Variants in ZNF611 observed in about 807,000 individuals in gnomAD.
ZNF611 encodes zinc finger protein 611.
A neutral mutation model predicts 8.9 loss-of-function variants in ZNF611; 6 were observed. The observed-to-expected ratio is 0.68, with a 90% CI of 0.37 to 1.34. ZNF611 has a LOEUF of 1.34. ZNF611 is among the 40% of genes most tolerant of loss of function. The pLI is 0.02. For missense variants in ZNF611, 874 were observed against 841.3 expected (o/e 1.04, Z -0.48); for synonymous variants, 262 against 279.7 (o/e 0.94, Z 0.63).
At position 52,715,815 on chromosome 19, in the gene ZNF611, G is replaced by A. The variant is rs759677902; in HGVS notation, c.63+17C>T. On this transcript the variant is annotated intron_variant, in intron 4 of 5. Coordinates refer to ENST00000652185, the MANE Select transcript of ZNF611 (RefSeq NM_001161499.2). ...AACGAAAGACACAGATTAATCCACA[G>A]AGGAATATCACTTCACCTGAGGAAG... 12 of 1,609,840 alleles carry A rather than the reference G, an allele frequency of 7.5e-6. No homozygotes were observed. The highest frequency in any genetic ancestry group is 3.3e-5 in the Admixed American group (2 of 59,876).
At chr19:52,725,298 G>C (rs1347520800) in intron 3 of ZNF611, among the ~76,000 whole-genome samples, 1 of 152,182 alleles carries the variant, frequency 6.6e-6, no homozygotes, top group East Asian at 1.9e-4. Flanking sequence ...TTAAGACATG[G>C]GTGGCACCTG....
Position 52,704,237 on chromosome 19 carries a change from T to C in ZNF611, c.*700A>G. The C allele has an allele frequency of 2.3e-6, 1 of 439,064 alleles. No individual in the cohort carries two copies. The highest frequency in any genetic ancestry group is 1.8e-5 in the South Asian group (1 of 54,420). 27.2% of individuals were successfully genotyped at this position (439,064 alleles called of 1,614,324 possible). A position where few individuals can be genotyped will look rare whatever the true frequency, so the allele number is the denominator to read the frequency against. ...CTGAATTGACTCCAATGTCAATTAATGCTTGATGGTTTGCTATACTCATTT... is the reference window on the plus strand; with the variant it reads ...CTGAATTGACTCCAATGTCAATTAACGCTTGATGGTTTGCTATACTCATTT... On this transcript the variant is annotated 3_prime_UTR_variant, in exon 6 of 6. Coordinates refer to ENST00000652185, the MANE Select transcript of ZNF611 (RefSeq NM_001161499.2).
chr19:52,727,557 C>T lies in ZNF611; in HGVS notation c.-20+1173G>A, dbSNP rs142581768. ...AGGGGGAGAAACCCTAACACTAACC[C>T]TAACACAAAAATTAGCTGGACGTGG... On this transcript the variant is annotated intron_variant, in intron 3 of 5. Transcript: ENST00000652185. 4.7e-4 allele frequency among the ~76,000 whole-genome samples: 72 copies of T among 152,286 alleles called. No homozygotes were observed. The East Asian group carries it at 5.6e-3, about 12-fold the overall frequency.
chr19:52,707,883 G>A (rs191631578), intron 5 of ZNF611, among the ~76,000 whole-genome samples: 284 of 151,956 alleles, frequency 1.9e-3, no homozygotes, highest in African/African-American at 5.7e-3. Context: ...CACCCACCTC[G>A]GCCTCCCAAA....
Position 52,705,205 on chromosome 19 carries a change from C to G in ZNF611, c.1850G>C (p.Ser617Thr). The G allele has an allele frequency of 6.2e-7, 1 of 1,614,058 alleles. No homozygotes were observed. Among genetic ancestry groups the G allele is most frequent in the South Asian group, 1.1e-5 (1 of 91,074 alleles). The change falls in exon 6 of 6, where the codon AGT becomes ACT. Residue 617 changes from serine (S) to threonine (T), a missense_variant. Transcript: ENST00000652185. ...ATTACACTTGTAAGGTTTCTCACCACTATGAAGTCTACGATGGCAATGAAG... is the reference window on the plus strand; with the variant it reads ...ATTACACTTGTAAGGTTTCTCACCAGTATGAAGTCTACGATGGCAATGAAG... Reference protein sequence around the residue: ...SSLHCHRRLHSGEKPYKCNEC... With the variant: ...SSLHCHRRLHTGEKPYKCNEC...
In ZNF611 at chr19:52,717,181, T is replaced by C. The variant is rs2062323100; in HGVS notation, c.-19-1268A>G. On this transcript the variant is annotated intron_variant, in intron 3 of 5. Transcript: ENST00000652185. ...CAAACCAACGTACTTCTTACATATG[T>C]TGATGTCTCATGTCTCCATAAAATG... 2.0e-5 allele frequency among the ~76,000 whole-genome samples: 3 copies of C among 152,330 alleles called. No individual in the cohort carries two copies. In the East Asian group the frequency reaches 5.8e-4, roughly 29 times the overall value.
Position 52,704,915 on chromosome 19 carries a change from C to T in ZNF611, c.*22G>A. Reference sequence around the variant, plus strand: ...TTAAGGTGTGATTTCCAAATGGAAACTTTGTCACATGCTTCACATTTCTAA... The same window carrying T: ...TTAAGGTGTGATTTCCAAATGGAAATTTTGTCACATGCTTCACATTTCTAA... On this transcript the variant is annotated 3_prime_UTR_variant, in exon 6 of 6. Coordinates refer to ENST00000652185, the MANE Select transcript of ZNF611 (RefSeq NM_001161499.2). 1 of 1,612,618 alleles carries T rather than the reference C, an allele frequency of 6.2e-7. No individual in the cohort carries two copies. The highest frequency in any genetic ancestry group is 8.5e-7 in the Non-Finnish European group (1 of 1,179,300).
Position 52,704,370 on chromosome 19 carries a change from A to G in ZNF611, c.*567T>C. On this transcript the variant is annotated 3_prime_UTR_variant, in exon 6 of 6. Transcript: ENST00000652185. ...GACATTTGTAAGATTTCTGTCCAGT[A>G]TAGATTCTCTGATGTCTAATGACGT... is the stretch of plus-strand genomic sequence containing the variant. 3.2e-6 allele frequency: 2 copies of G among 634,916 alleles called. No individual in the cohort carries two copies. The highest frequency in any genetic ancestry group is 6.1e-6 in the Non-Finnish European group (2 of 328,494). The allele number at this position is 634,916 out of a possible 1,614,324, so 39.3% of individuals were successfully genotyped here.
Position 52,706,824 on chromosome 19 carries a change from T to C in ZNF611, c.231A>G (p.Thr77=). The change falls in exon 6 of 6, where the codon ACA becomes ACG. Residue 77 remains threonine, a synonymous_variant. Transcript: ENST00000652185. Reference sequence around the variant, plus strand: ...GGATCACTTCTGTATTGCCTTGCCCTGTTGACAAGACCTCCTTCATCATGC... The same window carrying C: ...GGATCACTTCTGTATTGCCTTGCCCCGTTGACAAGACCTCCTTCATCATGC... ...SKCMMKEVLS[T]GQGNTEVIHT... 1.2e-6 allele frequency: 2 copies of C among 1,610,296 alleles called. No individual in the cohort carries two copies. Among genetic ancestry groups the C allele is most frequent in the Non-Finnish European group, 1.7e-6 (2 of 1,178,824 alleles).
At chr19:52,727,291 A>T (rs1415475852) in intron 3 of ZNF611, among the ~76,000 whole-genome samples, 2 of 152,268 alleles carry the variant, frequency 1.3e-5, no homozygotes, top group Non-Finnish European at 2.9e-5. Context: ...CTATTTTATT[A>T]ATAAATAAGC....
Position 52,703,683 on chromosome 19 carries a change from ACAG to A in ZNF611, c.*1251_*1253del, listed in dbSNP as rs1568597774. 1.4e-5 allele frequency: 2 copies of A among 143,124 alleles called. No homozygotes were observed. Among genetic ancestry groups the A allele is most frequent in the African/African-American group, 5.4e-5 (2 of 37,172 alleles). The allele number at this position is 143,124 out of a possible 1,614,324, so 8.9% of individuals were successfully genotyped here. A position where few individuals can be genotyped will look rare whatever the true frequency, so the allele number is the denominator to read the frequency against. On this transcript the variant is annotated 3_prime_UTR_variant, in exon 6 of 6. Transcript: ENST00000652185. ...CTCGACTCCCTGCAAGCTCCGCCTC[ACAG>A]GTTCATGCCATTCTCCTGCCTCAGC...
In ZNF611 at chr19:52,706,323, T is replaced by C. The variant is rs1307492818; in HGVS notation, c.732A>G (p.Ser244=). The change falls in exon 6 of 6, where the codon TCA becomes TCG. Residue 244 remains serine (S), a synonymous_variant. Coordinates refer to ENST00000652185, the MANE Select transcript of ZNF611 (RefSeq NM_001161499.2). ...GGGGTATCTGGTGTTTCCTTAAGAG[T>C]GAGCTACAATTAAAGGCTTTGCCAC... ...NKSGKAFNCS[S]LLRKHQIPHL... is the part of the protein sequence containing the mutation. 3 of 1,614,170 alleles carry C rather than the reference T, an allele frequency of 1.9e-6. No individual in the cohort carries two copies. Among genetic ancestry groups the C allele is most frequent in the Non-Finnish European group, 2.5e-6 (3 of 1,180,028 alleles).
In ZNF611 at chr19:52,729,756, T is replaced by C. The variant is rs191776430; in HGVS notation, c.-122+150A>G. On this transcript the variant is annotated intron_variant, in intron 2 of 5. Transcript: ENST00000652185. Reference sequence around the variant, plus strand: ...AGTACATTTATATAGGCTGCAGAATTCTAAACAATTCCCTCTTAAGAAAAA... The same window carrying C: ...AGTACATTTATATAGGCTGCAGAATCCTAAACAATTCCCTCTTAAGAAAAA... 2.0e-5 allele frequency: 3 copies of C among 152,218 alleles called. No homozygotes were observed. In the East Asian group the frequency reaches 5.8e-4, roughly 29 times the overall value. The allele number at this position is 152,218 out of a possible 1,614,324, so 9.4% of individuals were successfully genotyped here.
In ZNF611 at chr19:52,706,081, C is replaced by T. The variant is rs755073523; in HGVS notation, c.974G>A (p.Gly325Asp). Residue 325 changes from glycine to aspartate, a missense_variant, in exon 6 of 6, where the codon GGT becomes GAT. Transcript: ENST00000652185. The part of the protein sequence containing the change: ...YNCNECGKIF[G>D]QNSALLIDKA... The stretch of plus-strand genomic sequence containing the variant: ...ATCAATTAGAAGGGCTGAATTTTGA[C>T]CAAAGATCTTGCCACACTCATTACA... 1 of 1,614,022 alleles carries T rather than the reference C, an allele frequency of 6.2e-7. No individual in the cohort carries two copies. Among genetic ancestry groups the T allele is most frequent in the East Asian group, 2.2e-5 (1 of 44,840 alleles).
chr19:52,727,263 T>C (rs559883532), intron 3 of ZNF611, among the ~76,000 whole-genome samples: 11 of 151,252 alleles, frequency 7.3e-5, no homozygotes, highest in East Asian at 3.9e-4. Context: ...ACGATGATAA[T>C]AGAGAAAGAA....
chr19:52,732,970 A>AATTG (rs1463522613), intron 1 of ZNF611, among the ~76,000 whole-genome samples: 1 of 151,290 alleles, frequency 6.6e-6, no homozygotes, highest in African/African-American at 2.4e-5. Flanking sequence ...TTAATTAATT[A>AATTG]ATTAATTAAA....
rs2062407268 is a variant in ZNF611, at chr19:52,728,734, G to C, written c.-24C>G. 1 of 153,224 alleles carries C rather than the reference G, an allele frequency of 6.5e-6. No individual in the cohort carries two copies. The highest frequency in any genetic ancestry group is 6.5e-5 in the Admixed American group (1 of 15,302). 9.5% of individuals were successfully genotyped at this position (153,224 alleles called of 1,614,324 possible). ...GATAGGGTGTAGCTCACTCACCCAA[G>C]CTGGAGTGTGGTGGCAAAAACAGGG... is the stretch of plus-strand genomic sequence containing the variant. On this transcript the variant is annotated 5_prime_UTR_variant, in exon 3 of 6. Coordinates refer to ENST00000652185, the MANE Select transcript of ZNF611 (RefSeq NM_001161499.2).
At chr19:52,728,407 G>A (rs867144571) in intron 3 of ZNF611, among the ~76,000 whole-genome samples, 84 of 152,174 alleles carry the variant, frequency 5.5e-4, no homozygotes, top group South Asian at 1.5e-3. Flanking sequence ...GCATTACAGC[G>A]GGTGCCTGTA....
intron 3 of ZNF611, chr19:52,724,764 C>T (rs967277725): frequency 6.5e-6 from 1 of 152,672 alleles, no homozygotes; most frequent in Non-Finnish European, 1.5e-5. Context: ...GCCACCAGCA[C>T]CACTCTGCTC....
Sources: gnomAD v4.1 joint callset for allele counts (sites outside exome capture counted in the v4.1 genomes callset) on GRCh38, gnomAD v4.1.1 for gene constraint, MANE v1.5 for transcripts, NCBI Gene and HGNC (gene_info 2026-07-23, HGNC 2026-07-21) for gene names.